The following CHM variants were observed in gnomAD, a reference collection of about 807,000 sequenced individuals.
CHM encodes the protein CHM Rab escort protein.
A neutral mutation model predicts 49.0 loss-of-function variants in CHM; 10 were observed. The observed-to-expected ratio is 0.20, with a 90% CI of 0.13 to 0.35. The LOEUF (loss-of-function observed/expected upper bound fraction) is 0.35, where lower values mean the gene tolerates loss of function less well. Among genes scored for constraint, CHM ranks in the 10% least tolerant of loss-of-function variants. The pLI, the probability that CHM is intolerant of heterozygous loss-of-function variation, is 1.00. For synonymous variants in CHM, 184 were observed against 167.5 expected (o/e 1.10, Z -0.76); for missense variants, 455 against 478.4 (o/e 0.95, Z 0.46).
intron 8 of CHM, among the ~76,000 whole-genome samples, chrX:85,914,814 G>C (rs778588697): frequency 2.7e-5 from 3 of 110,801 alleles, no homozygotes; most frequent in Non-Finnish European, 5.7e-5. Context: ...TTGAAGAATT[G>C]TTGCCATTGG....
chrX:86,019,934 G>A (rs886782315), intron 2 of CHM, among the ~76,000 whole-genome samples: 8 of 110,859 alleles, frequency 7.2e-5, no homozygotes, highest in African/African-American at 2.6e-4. Flanking sequence ...GTTTTTGGAA[G>A]TAGAGGTGAC....
intron 9 of CHM, among the ~76,000 whole-genome samples, chrX:85,910,046 T>C (rs1047630128): frequency 8.9e-6 from 1 of 111,785 alleles, no homozygotes; most frequent in Non-Finnish European, 1.9e-5. Flanking sequence ...TATCCTTCTA[T>C]AAAAGTGCTA....
chrX:85,962,159 G>C (rs1362650853), intron 5 of CHM, among the ~76,000 whole-genome samples: 2 of 112,300 alleles, frequency 1.8e-5, no homozygotes, highest in Admixed American at 1.9e-4. Flanking sequence ...GTCACACAAA[G>C]CCCATTTGTT....
intron 14 of CHM, among the ~76,000 whole-genome samples, chrX:85,870,935 A>C (rs897198852): frequency 3.6e-5 from 4 of 111,098 alleles, no homozygotes; most frequent in African/African-American, 1.3e-4. Context: ...AGTTTACATT[A>C]CTCAACCTCT....
At chrX:86,012,925 T>C (rs780456785) in intron 2 of CHM, among the ~76,000 whole-genome samples, 3 of 111,197 alleles carry the variant, frequency 2.7e-5, no homozygotes, top group South Asian at 3.8e-4. Flanking sequence ...AAAACCTGTG[T>C]TCCTGTCTGG....
chrX:86,016,643 G>A (rs1321930044), intron 2 of CHM, among the ~76,000 whole-genome samples: 6 of 112,537 alleles, frequency 5.3e-5, no homozygotes, highest in Non-Finnish European at 1.1e-4. Flanking sequence ...GAGGATGTAT[G>A]GAAATGCCGG....
chrX:86,021,629 A>T (rs2147783535), intron 2 of CHM, among the ~76,000 whole-genome samples: 1 of 111,354 alleles, frequency 9.0e-6, no homozygotes, highest in East Asian at 2.8e-4. Context: ...TTCCTAAAAA[A>T]TTAAGAGTGG....
At chrX:86,043,748 G>A (rs1050921032) in intron 1 of CHM, among the ~76,000 whole-genome samples, 2 of 97,116 alleles carry the variant, frequency 2.1e-5, no homozygotes, top group African/African-American at 8.1e-5. Context: ...TTTTTTTTTT[G>A]AGACAGTCTC....
chrX:86,006,452 A>T (rs1932856788), intron 2 of CHM, among the ~76,000 whole-genome samples: 1 of 111,957 alleles, frequency 8.9e-6, no homozygotes, highest in Admixed American at 9.5e-5. Flanking sequence ...GTATTTAATT[A>T]GGAAAAGAAG....
At chrX:85,885,039 A>T (rs1925002083) in intron 12 of CHM, among the ~76,000 whole-genome samples, 1 of 111,076 alleles carries the variant, frequency 9.0e-6, no homozygotes, top group South Asian at 3.7e-4. Context: ...CAACACTAAA[A>T]ATTCACAAAT....
chrX:85,995,740 T>C (rs750336618), intron 2 of CHM, among the ~76,000 whole-genome samples: 8 of 112,259 alleles, frequency 7.1e-5, no homozygotes, highest in Non-Finnish European at 1.5e-4. Flanking sequence ...CAAGTAACTG[T>C]TCAGTAAATG....
intron 8 of CHM, among the ~76,000 whole-genome samples, chrX:85,922,948 T>G (rs1175169415): frequency 8.9e-6 from 1 of 112,323 alleles, no homozygotes. Flanking sequence ...CGTGACCTGA[T>G]ATGAGTCATG....
chrX:85,935,091 C>G, intron 8 of CHM, among the ~76,000 whole-genome samples: 1 of 111,519 alleles, frequency 9.0e-6, no homozygotes, highest in South Asian at 3.8e-4. Flanking sequence ...AAACATGGTG[C>G]CAGCATCTGC....
At chrX:85,900,848 G>A (rs769451410) in intron 10 of CHM, 139 bp from the exon 11 acceptor site, 387 of 551,245 alleles carry the variant, frequency 7.0e-4, no homozygotes, top group African/African-American at 7.0e-3. Context: ...AGTCAAGTTC[G>A]GCTTTAATCT....
intron 2 of CHM, among the ~76,000 whole-genome samples, chrX:86,010,248 A>C (rs1490974089): frequency 4.5e-4 from 46 of 101,774 alleles, no homozygotes; most frequent in African/African-American, 1.5e-3. Flanking sequence ...AGAAATACCT[A>C]ATGTAAATGA....
chrX:85,920,841 G>A (rs1487503389), intron 8 of CHM, among the ~76,000 whole-genome samples: 2 of 112,111 alleles, frequency 1.8e-5, no homozygotes, highest in Non-Finnish European at 3.8e-5. Context: ...ATGAAGGAAA[G>A]CAACAGAATC....
At chrX:85,956,005 A>G in intron 8 of CHM, 148 bp downstream of exon 8, 1 of 463,364 alleles carries the variant, frequency 2.2e-6, no homozygotes, top group Non-Finnish European at 3.7e-6. Context: ...GTAGATAGGT[A>G]GGTAAATAGA....
chrX:85,917,817 C>A (rs1253736807), intron 8 of CHM, among the ~76,000 whole-genome samples: 2 of 108,062 alleles, frequency 1.9e-5, no homozygotes, highest in African/African-American at 3.4e-5. Context: ...AAAAAAAAAA[C>A]CTCAGAATTT....
rs954178323 is a variant in CHM at position 86,027,543 on chromosome X, T to C, written c.64A>G (p.Ile22Val). The C allele has an allele frequency of 1.7e-6, 2 of 1,208,114 alleles. No homozygotes were observed. The highest frequency in any genetic ancestry group is 2.2e-6 in the Non-Finnish European group (2 of 892,173). Reference sequence around the variant, plus strand: ...CTTCTTGAACATGCAGCTGCAATGATGGATTCAGGCAAACCTACAAAAACA... The same window carrying C: ...CTTCTTGAACATGCAGCTGCAATGACGGATTCAGGCAAACCTACAAAAACA... Reference protein sequence around the residue: ...IVIGTGLPESIIAAACSRSGR... With the variant: ...IVIGTGLPESVIAAACSRSGR... The change falls in exon 2 of 15, where the codon ATC (isoleucine) becomes GTC (valine). Residue 22 changes from isoleucine (I) to valine (V), a missense_variant. Transcript: ENST00000357749.
Sources: gnomAD v4.1 joint callset for allele counts (sites outside exome capture counted in the v4.1 genomes callset) on GRCh38, gnomAD v4.1.1 for gene constraint, MANE v1.5 for transcripts, NCBI Gene and HGNC (gene_info 2026-07-23, HGNC 2026-07-21) for gene names.